Variants in R3HDM1 observed in about 807,000 individuals in gnomAD.
The protein encoded by R3HDM1 is R3H domain-containing protein 1.
A neutral mutation model predicts 141.1 loss-of-function variants in R3HDM1; 46 were observed. The ratio of observed to expected loss-of-function variants is 0.33; its 90% confidence interval spans 0.26 to 0.42. R3HDM1 has a LOEUF of 0.42. R3HDM1 is among the 10% of genes least tolerant of loss of function. The pLI is 1.00. For missense variants in R3HDM1, 1,184 were observed against 1,368.3 expected (o/e 0.87, Z 2.12); for synonymous variants, 435 against 472.9 (o/e 0.92, Z 1.04).
chr2:135,701,584 A>G (rs1279888062), intron 21 of R3HDM1, among the ~76,000 whole-genome samples: 1 of 152,156 alleles, frequency 6.6e-6, no homozygotes, highest in African/African-American at 2.4e-5. Context: ...GAGGAGGATC[A>G]TTTGATTCAG....
intron 1 of R3HDM1, among the ~76,000 whole-genome samples, chr2:135,554,195 C>G (rs1383189534): frequency 1.3e-5 from 2 of 152,218 alleles, no homozygotes; most frequent in African/African-American, 2.4e-5. Flanking sequence ...CTTCCCCAGT[C>G]CTCAGCAACC....
At chr2:135,550,111 A>T in intron 1 of R3HDM1, 1 of 984,130 alleles carries the variant, frequency 1.0e-6, no homozygotes, top group Non-Finnish European at 1.2e-6. Context: ...AGTCCATATG[A>T]TAAATTACAA....
intron 1 of R3HDM1, among the ~76,000 whole-genome samples, chr2:135,553,332 A>G (rs1700154064): frequency 6.6e-6 from 1 of 152,156 alleles, no homozygotes. Context: ...CCTTTTTTAT[A>G]AAGTGGCATT....
intron 1 of R3HDM1, among the ~76,000 whole-genome samples, chr2:135,580,374 C>T (rs1028954148): frequency 2.6e-5 from 4 of 152,156 alleles, no homozygotes; most frequent in Non-Finnish European, 4.4e-5. Context: ...GCTATCAGGG[C>T]TCTCACTATT....
intron 1 of R3HDM1, among the ~76,000 whole-genome samples, chr2:135,541,327 C>T (rs1355642599): frequency 6.6e-6 from 1 of 152,116 alleles, no homozygotes; most frequent in Admixed American, 6.6e-5. Context: ...CCTGCCTCAG[C>T]CTCCTGAGTA....
chr2:135,586,798 G>A (rs1708037004), intron 1 of R3HDM1: 1 of 984,962 alleles, frequency 1.0e-6, no homozygotes, highest in African/African-American at 1.7e-5. Flanking sequence ...TGGTTTACCT[G>A]TGTGCTAATT....
chr2:135,605,042 C>A, intron 3 of R3HDM1, 26 bp downstream of exon 3: 1 of 1,481,240 alleles, frequency 6.8e-7, no homozygotes, highest in South Asian at 1.2e-5. Flanking sequence ...TCTCTGGCTA[C>A]AAATACTAAA....
At chr2:135,544,208 GA>G (rs1158717845) in intron 1 of R3HDM1, among the ~76,000 whole-genome samples, 1 of 152,094 alleles carries the variant, frequency 6.6e-6, no homozygotes, top group East Asian at 1.9e-4. Flanking sequence ...TTTTTCCAGT[GA>G]AAGGTACAAA....
At chr2:135,552,726 TTTAAG>T (rs1168579019) in intron 1 of R3HDM1, among the ~76,000 whole-genome samples, 2 of 152,308 alleles carry the variant, frequency 1.3e-5, no homozygotes, top group East Asian at 3.8e-4. Flanking sequence ...GGCACTCCAG[TTTAAG>T]TTAGCTTTCT....
chr2:135,581,712 T>C (rs1706854860), intron 1 of R3HDM1, among the ~76,000 whole-genome samples: 1 of 152,204 alleles, frequency 6.6e-6, no homozygotes, highest in African/African-American at 2.4e-5. Context: ...ATCCAGGTTT[T>C]CAAGTTTCTG....
At chr2:135,556,501 T>G (rs1700788904) in intron 1 of R3HDM1, among the ~76,000 whole-genome samples, 1 of 152,164 alleles carries the variant, frequency 6.6e-6, no homozygotes, top group African/African-American at 2.4e-5. Context: ...GATCATTTAT[T>G]ATGCATGTGC....
chr2:135,646,414 C>A (rs1049642638), intron 16 of R3HDM1, among the ~76,000 whole-genome samples: 1 of 151,318 alleles, frequency 6.6e-6, no homozygotes, highest in Middle Eastern at 3.4e-3. Context: ...GGATTACAGG[C>A]ATGAGCCACC....
intron 9 of R3HDM1, among the ~76,000 whole-genome samples, chr2:135,632,904 T>C (rs1343543362): frequency 6.6e-6 from 1 of 152,188 alleles, no homozygotes. Context: ...TGATTTAATT[T>C]GCATGGTTAT....
At chr2:135,541,356 C>A (rs753472978) in intron 1 of R3HDM1, among the ~76,000 whole-genome samples, 1 of 151,928 alleles carries the variant, frequency 6.6e-6, no homozygotes, top group Non-Finnish European at 1.5e-5. Context: ...TACAGGCGCC[C>A]GCCACCATGC....
chr2:135,695,093 G>A (rs1051793051), intron 21 of R3HDM1, among the ~76,000 whole-genome samples: 12 of 152,116 alleles, frequency 7.9e-5, no homozygotes, highest in African/African-American at 2.7e-4. Context: ...GGCTGCTGTC[G>A]TCCTGCCTGA....
intron 1 of R3HDM1, among the ~76,000 whole-genome samples, chr2:135,600,377 A>G (rs979659981): frequency 1.3e-5 from 2 of 152,188 alleles, no homozygotes; most frequent in African/African-American, 4.8e-5. Flanking sequence ...GTCAGGACAC[A>G]GCAAATTTAG....
At chr2:135,570,608 T>A (rs62168781) in intron 1 of R3HDM1, among the ~76,000 whole-genome samples, 8 of 152,190 alleles carry the variant, frequency 5.3e-5, no homozygotes, top group Non-Finnish European at 8.8e-5. Context: ...TAGAATCAGT[T>A]CCCCTTTACA....
chr2:135,531,722 G>A (rs908492688), intron 1 of R3HDM1, 89 bp downstream of exon 1: 28 of 985,874 alleles, frequency 2.8e-5, no homozygotes, highest in Non-Finnish European at 3.1e-5. Context: ...TAGCGCTAAC[G>A]GAGAAGGAGG....
chr2:135,710,492 A>G lies in R3HDM1; in HGVS notation c.2736+261A>G, dbSNP rs12614099. Among the ~76,000 whole-genome samples the G allele has an allele frequency of 0.011, 1,632 of 152,214 alleles. 101 individuals carry two copies. The East Asian group carries it at 0.19, about 18-fold the overall frequency. On this transcript the variant is annotated intron_variant, in intron 23 of 26. Coordinates refer to ENST00000683871, the MANE Select transcript of R3HDM1 (RefSeq NM_001378107.1). Reference sequence around the variant, plus strand: ...ATCAGCTGGGTGTAGTGGCACATGCAAAAATACAAAATCAGCCGGGTATGG... The same window carrying G: ...ATCAGCTGGGTGTAGTGGCACATGCGAAAATACAAAATCAGCCGGGTATGG...
Sources: gnomAD v4.1 joint callset for allele counts (sites outside exome capture counted in the v4.1 genomes callset) on GRCh38, gnomAD v4.1.1 for gene constraint, MANE v1.5 for transcripts, NCBI Gene and HGNC (gene_info 2026-07-23, HGNC 2026-07-21) for gene names.